Variants in DRICH1 observed in about 807,000 individuals in gnomAD.
DRICH1 encodes aspartate-rich protein 1.
DRICH1 carries 38 observed loss-of-function variants against 39.5 expected under a neutral mutation model. The ratio of observed to expected loss-of-function variants is 0.96; its 90% CI spans 0.74 to 1.26. The LOEUF is 1.26. Among genes scored for constraint, DRICH1 ranks in the 50% most tolerant of loss-of-function variants. DRICH1 has a pLI of 0.00. For missense variants in DRICH1, 279 were observed against 270.4 expected, an observed-to-expected ratio of 1.03 and a Z score of -0.22; for synonymous variants, 84 against 99.5, an observed-to-expected ratio of 0.84 and a Z score of 0.93.
At chr22:23,602,899 C>T in the DRICH1 span, among the ~76,000 whole-genome samples, 62 of 151,906 alleles carry the variant, frequency 4.1e-4, no homozygotes, top group African/African-American at 1.4e-3. Context: ...ACATATTTAT[C>T]TTAAGTGTTT....
At chr22:23,591,326 C>T in the DRICH1 span, among the ~76,000 whole-genome samples, 3 of 152,198 alleles carry the variant, frequency 2.0e-5, no homozygotes, top group Non-Finnish European at 4.4e-5. Flanking sequence ...CACACACTTA[C>T]ACTCTCAAGG....
the DRICH1 span, among the ~76,000 whole-genome samples, chr22:23,582,417 C>G: frequency 6.6e-6 from 1 of 151,860 alleles, no homozygotes. Flanking sequence ...CTCCCCCAGC[C>G]CCTGGCACCC....
At chr22:23,629,578 C>T (rs1928270887) in intron 1 of DRICH1, among the ~76,000 whole-genome samples, 1 of 152,120 alleles carries the variant, frequency 6.6e-6, no homozygotes, top group African/African-American at 2.4e-5. Context: ...GGCACTGGCC[C>T]TTGTCTGTCT....
chr22:23,583,405 A>G, the DRICH1 span: 1 of 152,096 alleles, frequency 6.6e-6, no homozygotes, highest in Non-Finnish European at 1.5e-5. Context: ...CAGCTTCCCT[A>G]AAGTTGAGTT....
chr22:23,600,538 G>A, the DRICH1 span, among the ~76,000 whole-genome samples: 20 of 152,326 alleles, frequency 1.3e-4, no homozygotes, highest in African/African-American at 4.3e-4. Context: ...TCTGGGCACA[G>A]GGCCTGGGCA....
upstream of DRICH1, chr22:23,632,775 T>C (rs1214940775): frequency 6.6e-6 from 1 of 152,060 alleles, no homozygotes; most frequent in African/African-American, 2.4e-5. Context: ...TAGCTCGGCC[T>C]GGTGGCGGGC....
intron 11 of DRICH1, among the ~76,000 whole-genome samples, chr22:23,611,581 CG>C (rs1299962554): frequency 2.0e-5 from 3 of 151,960 alleles, no homozygotes; most frequent in East Asian, 1.9e-4. Context: ...TTAGTAGAGA[CG>C]GGGTTTCACT....
At chr22:23,607,891 C>T (rs1296045426), downstream of DRICH1, among the ~76,000 whole-genome samples, 1 of 152,222 alleles carries the variant, frequency 6.6e-6, no homozygotes, top group Non-Finnish European at 1.5e-5. Context: ...TTTGCTGCTC[C>T]AGACCCAAAG....
downstream of DRICH1, among the ~76,000 whole-genome samples, chr22:23,605,878 C>G (rs184961813): frequency 6.3e-4 from 95 of 151,970 alleles, 2 homozygotes; most frequent in African/African-American, 2.3e-3. Flanking sequence ...GTCAGGAGTT[C>G]GAGATCAGCC....
chr22:23,586,597 G>A, the DRICH1 span, among the ~76,000 whole-genome samples: 938 of 152,342 alleles, frequency 6.2e-3, 5 homozygotes, highest in South Asian at 0.029. Flanking sequence ...AGGCTGGAGT[G>A]CAATGGCAGA....
intron 11 of DRICH1, among the ~76,000 whole-genome samples, chr22:23,611,697 C>G (rs1405444398): frequency 6.6e-6 from 1 of 152,136 alleles, no homozygotes; most frequent in Non-Finnish European, 1.5e-5. Context: ...TGGTCAATGA[C>G]AGAACACATG....
chr22:23,605,134 T>C (rs891377145), downstream of DRICH1, among the ~76,000 whole-genome samples: 3 of 152,212 alleles, frequency 2.0e-5, no homozygotes, highest in African/African-American at 7.2e-5. Context: ...GTTCTGTCCC[T>C]GAAATGATTA....
chr22:23,593,119 G>C, the DRICH1 span, among the ~76,000 whole-genome samples: 1 of 151,702 alleles, frequency 6.6e-6, no homozygotes, highest in African/African-American at 2.4e-5. Flanking sequence ...TCTTAAATAC[G>C]CTCAAACAGT....
Position 23,617,401 on chromosome 22 carries a change from G to T in DRICH1, c.519+174C>A, listed in dbSNP as rs60158386. ...CAGCAAAAAAACCAGAATAGGATATGCTAGGCTCCTGCTTGGATTGGCAAT... is the reference window on the plus strand; with the variant it reads ...CAGCAAAAAAACCAGAATAGGATATTCTAGGCTCCTGCTTGGATTGGCAAT... On this transcript the variant is annotated intron_variant, in intron 7 of 11. Coordinates refer to ENST00000317749, the MANE Select transcript of DRICH1 (RefSeq NM_016449.4). Among the ~76,000 whole-genome samples, 1,501 of 152,200 alleles carry T rather than the reference G, an allele frequency of 9.9e-3. 18 individuals are homozygous for T. Among genetic ancestry groups the T allele is most frequent in the African/African-American group, 0.035 (1,435 of 41,472 alleles).
chr22:23,621,806 T>C (rs1036871861), intron 4 of DRICH1, among the ~76,000 whole-genome samples: 6 of 152,018 alleles, frequency 3.9e-5, no homozygotes, highest in Admixed American at 3.3e-4. Context: ...CCCAGCTACC[T>C]GGGAGGCTGA....
intron 3 of DRICH1, 85 bp from the exon 4 acceptor site, chr22:23,622,261 G>C (rs2123785808): frequency 8.2e-7 from 1 of 1,215,958 alleles, no homozygotes; most frequent in Non-Finnish European, 1.2e-6. Context: ...GTGGTGTATG[G>C]AGGTGGTTGA....
the DRICH1 span, among the ~76,000 whole-genome samples, chr22:23,590,834 G>A: frequency 6.6e-6 from 1 of 152,006 alleles, no homozygotes; most frequent in Admixed American, 6.6e-5. Context: ...GGCCAGGCTG[G>A]TCTTGAACTC....
chr22:23,630,193 C>A (rs983228415), intron 1 of DRICH1, among the ~76,000 whole-genome samples: 2 of 152,284 alleles, frequency 1.3e-5, no homozygotes, highest in Non-Finnish European at 2.9e-5. Context: ...CCACTGGGGC[C>A]CCATCTGATG....
intron 11 of DRICH1, among the ~76,000 whole-genome samples, chr22:23,610,158 C>T (rs1276792435): frequency 6.6e-6 from 1 of 152,214 alleles, no homozygotes; most frequent in Non-Finnish European, 1.5e-5. Flanking sequence ...CTGAGCCCAA[C>T]CGCCAGTCCT....
Sources: gnomAD v4.1 joint callset for allele counts (sites outside exome capture counted in the v4.1 genomes callset) on GRCh38, gnomAD v4.1.1 for gene constraint, MANE v1.5 for transcripts, NCBI Gene and HGNC (gene_info 2026-07-23, HGNC 2026-07-21) for gene names.